Variants in NUMA1 observed in about 807,000 individuals in gnomAD.
NUMA1 encodes the protein nuclear mitotic apparatus protein 1.
A neutral mutation model predicts 237.1 loss-of-function variants in NUMA1; 62 were observed. The observed-to-expected ratio is 0.26, with a 90% CI of 0.21 to 0.32. The LOEUF (loss-of-function observed/expected upper bound fraction) is 0.32. Among genes scored for constraint, NUMA1 ranks in the 10% least tolerant of loss-of-function variants. NUMA1 has a pLI of 1.00. For missense variants in NUMA1, 2,533 were observed against 2,666.5 expected (o/e 0.95, Z 1.10); for synonymous variants, 1,028 against 1,066.1 (o/e 0.96, Z 0.70).
At chr11:72,079,408 G>A (rs1943915078) in intron 1 of NUMA1, among the ~76,000 whole-genome samples, 1 of 152,198 alleles carries the variant, frequency 6.6e-6, no homozygotes, top group Non-Finnish European at 1.5e-5. Context: ...GGGTGTGGTA[G>A]CGGGCGCCTG....
intron 2 of NUMA1, among the ~76,000 whole-genome samples, chr11:72,037,988 G>A (rs1941241145): frequency 6.6e-6 from 1 of 152,138 alleles, no homozygotes. Context: ...TAAAGCTCGA[G>A]GGACCACACT....
chr11:72,030,671 T>G (rs778784383), intron 3 of NUMA1, among the ~76,000 whole-genome samples: 6 of 152,222 alleles, frequency 3.9e-5, no homozygotes, highest in Non-Finnish European at 8.8e-5. Context: ...GCTAAGTTAA[T>G]TATTCACATA....
chr11:72,021,015 C>T (rs1938728286), intron 8 of NUMA1, 189 bp downstream of exon 8: 2 of 572,806 alleles, frequency 3.5e-6, no homozygotes, highest in South Asian at 2.4e-5. Flanking sequence ...CAAGGAGGAG[C>T]TCCATAGGAA....
chr11:72,005,157 C>T, intron 23 of NUMA1, 76 bp downstream of exon 23: 1 of 1,451,732 alleles, frequency 6.9e-7, no homozygotes, highest in Non-Finnish European at 9.2e-7. Flanking sequence ...GGCCCTAGTG[C>T]TCAGGCTAGA....
chr11:72,056,415 A>G (rs1477704645), intron 2 of NUMA1, among the ~76,000 whole-genome samples: 2 of 149,036 alleles, frequency 1.3e-5, no homozygotes, highest in East Asian at 2.0e-4. Context: ...TCCGCCTTCC[A>G]GTTTCAAGCG....
rs371428040 is a variant in NUMA1 at position 72,006,137 on chromosome 11, C to T, written c.5590G>A (p.Asp1864Asn). ...CTGAGCAGGGCTGAGTTGCCATAAT[C>T]GGGAGAACCCAGGCGAGCTAGAGAC... Reference protein sequence around the residue: ...TQSLARLGSPDYGNSALLSLP... With the variant: ...TQSLARLGSPNYGNSALLSLP... Residue 1864 changes from aspartate to asparagine, a missense_variant, in exon 22 of 27, where the codon GAT (aspartate) becomes AAT (asparagine). Physicochemically the swap from Asp to Asn is conservative, Grantham distance 23. Coordinates refer to ENST00000393695, the MANE Select transcript of NUMA1 (RefSeq NM_006185.4). 2.2e-5 allele frequency: 35 copies of T among 1,614,000 alleles called. No homozygotes were observed. The highest frequency in any genetic ancestry group is 3.3e-5 in the Admixed American group (2 of 60,014).
Position 72,015,102 on chromosome 11 carries a change from T to A in NUMA1, c.2401A>T (p.Ser801Cys). The change falls in exon 15 of 27, where the codon AGT becomes TGT. Residue 801 changes from serine (S) to cysteine (C), a missense_variant. Physicochemically the swap from Ser to Cys is moderately radical, Grantham distance 112. Coordinates refer to ENST00000393695, the MANE Select transcript of NUMA1 (RefSeq NM_006185.4). The surrounding 1 kb of genome is among the most constrained non-coding windows in gnomAD (Gnocchi z 4.0). Reference sequence around the variant, plus strand: ...TCTTTGACGAGCTGCTCACACTCACTCTCAGCTGTGTGCTGGGCAGCCATG... The same window carrying A: ...TCTTTGACGAGCTGCTCACACTCACACTCAGCTGTGTGCTGGGCAGCCATG... ...EAMAAQHTAE[S>C]ECEQLVKEVA... 1.2e-6 allele frequency: 2 copies of A among 1,613,716 alleles called. No homozygotes were observed. The highest frequency in any genetic ancestry group is 1.7e-6 in the Non-Finnish European group (2 of 1,180,016).
chr11:72,037,447 A>G (rs1369133215), intron 2 of NUMA1, among the ~76,000 whole-genome samples: 4 of 152,254 alleles, frequency 2.6e-5, no homozygotes, highest in East Asian at 1.9e-4. Context: ...CGGAGCTTGC[A>G]GTGAGCCGAG....
At position 72,007,184 on chromosome 11, in the gene NUMA1, C is replaced by A. The variant is rs754731703; in HGVS notation, c.5463+5G>T. On this transcript the variant is annotated splice_donor_5th_base_variant and intron_variant, in intron 21 of 26. Coordinates refer to ENST00000393695, the MANE Select transcript of NUMA1 (RefSeq NM_006185.4). Reference sequence around the variant, plus strand: ...GCCCTGCAGCCCCTGTCCCAGCAGCCTGACCTTGGTCATGGTGATGTTGAT... The same window carrying A: ...GCCCTGCAGCCCCTGTCCCAGCAGCATGACCTTGGTCATGGTGATGTTGAT... 1 of 1,606,880 alleles carries A rather than the reference C, an allele frequency of 6.2e-7. No homozygotes were observed. The highest frequency in any genetic ancestry group is 8.5e-7 in the Non-Finnish European group (1 of 1,179,864).
chr11:72,006,826 G>A (rs572953902), intron 21 of NUMA1, among the ~76,000 whole-genome samples: 58 of 152,342 alleles, frequency 3.8e-4, no homozygotes, highest in Non-Finnish European at 7.2e-4. Flanking sequence ...GCAAGGGCCT[G>A]TAGCCTGTCA....
Position 72,070,828 on chromosome 11 carries a change from C to G in NUMA1, c.-102-917G>C, listed in dbSNP as rs144439941. Among the ~76,000 whole-genome samples the G allele has an allele frequency of 3.9e-3, 595 of 152,246 alleles. 1 individual carries two copies. The highest frequency in any genetic ancestry group is 0.013 in the African/African-American group (559 of 41,524). ...ATGGCAGATCTAGGAAACGCTGCAC[C>G]CCCCTAAAGGCATTCAAATATTTTA... On this transcript the variant is annotated intron_variant, in intron 1 of 26. Coordinates refer to ENST00000393695, the MANE Select transcript of NUMA1 (RefSeq NM_006185.4).
chr11:72,073,868 T>G (rs916270811), intron 1 of NUMA1, among the ~76,000 whole-genome samples: 3 of 152,124 alleles, frequency 2.0e-5, no homozygotes, highest in African/African-American at 7.2e-5. Flanking sequence ...AGAATAGTAA[T>G]AATAGAACTT....
At chr11:72,080,121 T>C (rs546405548) in intron 1 of NUMA1, among the ~76,000 whole-genome samples, 6 of 152,296 alleles carry the variant, frequency 3.9e-5, no homozygotes, top group African/African-American at 1.4e-4. Flanking sequence ...ACTACTGCTA[T>C]TGTTAACGAT....
At chr11:72,050,014 A>G (rs1007042732) in intron 2 of NUMA1, among the ~76,000 whole-genome samples, 1 of 152,084 alleles carries the variant, frequency 6.6e-6, no homozygotes, top group African/African-American at 2.4e-5. Flanking sequence ...GTGTTACCCT[A>G]TTAGGACCCA....
At chr11:72,074,667 A>T (rs1943623983) in intron 1 of NUMA1, among the ~76,000 whole-genome samples, 1 of 152,178 alleles carries the variant, frequency 6.6e-6, no homozygotes, top group African/African-American at 2.4e-5. Context: ...TGAGTCCAGG[A>T]GATCGAGGCT....
chr11:72,013,690 C>G lies in NUMA1; in HGVS notation c.3813G>C (p.Leu1271=). 6.2e-7 allele frequency: 1 copy of G among 1,609,252 alleles called. No individual in the cohort carries two copies. ...TGTTGCTGGCTGTCTCTGCCTGCAG[C>G]AGGCGCAGCCTCTCCTCCAGCTTCT... ...KSQKLEERLR[L]LQAETASNSA... Residue 1271 remains leucine, a synonymous_variant, in exon 15 of 27, where the codon CTG becomes CTC. Coordinates refer to ENST00000393695, the MANE Select transcript of NUMA1 (RefSeq NM_006185.4). The surrounding 1 kb of genome is among the most constrained non-coding windows in gnomAD (Gnocchi z 6.8).
rs185281141 is a variant in NUMA1, at chr11:72,061,818, C to A, written c.-33+8024G>T. 2.4e-3 allele frequency among the ~76,000 whole-genome samples: 363 copies of A among 152,140 alleles called. 1 individual carries two copies. Among genetic ancestry groups the A allele is most frequent in the African/African-American group, 8.5e-3 (352 of 41,520 alleles). On this transcript the variant is annotated intron_variant, in intron 2 of 26. Coordinates refer to ENST00000393695, the MANE Select transcript of NUMA1 (RefSeq NM_006185.4). ...TTTAATTTCATCTGGTTCCTACTGT[C>A]CTTCAATGATTTTGACAATGTAGTT...
chr11:72,015,945 C>T lies in NUMA1; in HGVS notation c.1558G>A (p.Glu520Lys). ...GCCTGCTGCTTCAGGCCAGCCAGTT[C>T]TTGATCCTGTTGCTGGATGGTGGCA... ...LNATIQQQDQ[E>K]LAGLKQQAKE... Residue 520 changes from glutamate (E) to lysine (K), a missense_variant, in exon 15 of 27, where the codon GAA becomes AAA. Around this residue, in one of 3 missense-constraint regions of NUMA1, gnomAD observed 1,414 missense variants for 1,508.1 expected, o/e 0.94. Coordinates refer to ENST00000393695, the MANE Select transcript of NUMA1 (RefSeq NM_006185.4). The surrounding 1 kb of genome is among the most constrained non-coding windows in gnomAD (Gnocchi z 4.0). 1 of 1,614,136 alleles carries T rather than the reference C, an allele frequency of 6.2e-7. No homozygotes were observed. The highest frequency in any genetic ancestry group is 1.6e-4 in the Middle Eastern group (1 of 6,062).
chr11:72,075,605 C>T (rs1943669560), intron 1 of NUMA1, among the ~76,000 whole-genome samples: 1 of 152,198 alleles, frequency 6.6e-6, no homozygotes, highest in Admixed American at 6.5e-5. Context: ...CAACCTTCCT[C>T]CCTTTGTTTT....
Sources: allele counts gnomAD v4.1 joint callset (sites outside exome capture counted in the v4.1 genomes callset), GRCh38; gene constraint gnomAD v4.1.1; regional missense constraint gnomAD v4.1.1; non-coding constraint Gnocchi (gnomAD v3.1); transcripts MANE v1.5; gene names NCBI Gene and HGNC (gene_info 2026-07-23, HGNC 2026-07-21).